The following ZNF516 variants were observed in gnomAD, a reference collection of about 807,000 sequenced individuals.
The protein encoded by ZNF516 is zinc finger protein 516.
A neutral mutation model predicts 79.7 loss-of-function variants in ZNF516; 19 were observed. That is an observed-to-expected ratio of 0.24 (90% CI 0.17 to 0.35). The LOEUF is 0.35. Ranked by LOEUF, ZNF516 falls within the 10% of genes least tolerant of loss-of-function variation. The pLI is 1.00. For synonymous variants in ZNF516, 877 were observed against 739.5 expected (o/e 1.19, Z -3.02); for missense variants, 1,678 against 1,679.5 (o/e 1.00, Z 0.02).
intron 3 of ZNF516, among the ~76,000 whole-genome samples, chr18:76,391,412 A>C (rs1216293926): frequency 1.3e-5 from 2 of 152,068 alleles, no homozygotes; most frequent in Non-Finnish European, 2.9e-5. Context: ...CTAACCGCTA[A>C]CCATAACCAC....
intron 3 of ZNF516, among the ~76,000 whole-genome samples, chr18:76,385,451 A>G (rs956985200): frequency 1.2e-4 from 18 of 152,322 alleles, no homozygotes; most frequent in African/African-American, 4.1e-4. Context: ...CTCCCCTTTC[A>G]CTTAAAATAT....
At position 76,362,291 on chromosome 18, in the gene ZNF516, C is replaced by T; in HGVS notation, c.*207G>A. Reference sequence around the variant, plus strand: ...ATGTATTTCTAGAATATAGCATCTTCATTTATTTCTGAACGTTTAACAAGG... The same window carrying T: ...ATGTATTTCTAGAATATAGCATCTTTATTTATTTCTGAACGTTTAACAAGG... On this transcript the variant is annotated 3_prime_UTR_variant, in exon 7 of 7. Coordinates refer to ENST00000443185, the MANE Select transcript of ZNF516 (RefSeq NM_014643.4). 1 of 538,488 alleles carries T rather than the reference C, an allele frequency of 1.9e-6. No individual in the cohort carries two copies. 33.4% of individuals were successfully genotyped at this position (538,488 alleles called of 1,614,324 possible).
intron 6 of ZNF516, among the ~76,000 whole-genome samples, chr18:76,366,396 T>C (rs1421480505): frequency 6.6e-6 from 1 of 152,172 alleles, no homozygotes; most frequent in East Asian, 1.9e-4. Flanking sequence ...ATGCAGCAAA[T>C]GAGGTAACTA....
intron 6 of ZNF516, among the ~76,000 whole-genome samples, chr18:76,367,934 A>G (rs1374999855): frequency 6.6e-6 from 1 of 152,234 alleles, no homozygotes; most frequent in African/African-American, 2.4e-5. Flanking sequence ...GTCACATCAA[A>G]TAATTTCTGC....
chr18:76,399,409 C>T (rs753062784), intron 3 of ZNF516, among the ~76,000 whole-genome samples: 9 of 152,270 alleles, frequency 5.9e-5, no homozygotes, highest in East Asian at 1.9e-4. Flanking sequence ...TTGGCATAGA[C>T]GGAATTAAGC....
intron 3 of ZNF516, among the ~76,000 whole-genome samples, chr18:76,396,424 T>A (rs941069380): frequency 1.3e-5 from 2 of 152,200 alleles, no homozygotes; most frequent in African/African-American, 4.8e-5. Flanking sequence ...GCCACTGCAT[T>A]CAAAATCATT....
At chr18:76,434,013 T>G (rs113211005) in intron 3 of ZNF516, among the ~76,000 whole-genome samples, 2,404 of 152,244 alleles carry the variant, frequency 0.016, 29 homozygotes, top group Middle Eastern at 0.041. Context: ...CGGCAACGCC[T>G]TACCCAACCC....
intron 3 of ZNF516, among the ~76,000 whole-genome samples, chr18:76,415,767 T>C (rs976370993): frequency 2.5e-4 from 38 of 152,198 alleles, no homozygotes; most frequent in African/African-American, 8.9e-4. Context: ...ATGCAGCATG[T>C]CCTCAACAGA....
intron 2 of ZNF516, among the ~76,000 whole-genome samples, chr18:76,448,677 T>A (rs1431445153): frequency 6.6e-6 from 1 of 152,116 alleles, no homozygotes; most frequent in Non-Finnish European, 1.5e-5. Flanking sequence ...CTTAGAGGTG[T>A]TCCAGTCCTA....
In ZNF516 at chr18:76,441,905, G is replaced by A. The variant is rs752265046; in HGVS notation, c.1150C>T (p.Leu384Phe). The A allele has an allele frequency of 7.5e-6, 12 of 1,601,910 alleles. No homozygotes were observed. In the Admixed American group the frequency reaches 1.0e-4, roughly 14 times the overall value. The change falls in exon 3 of 7, where the codon CTC becomes TTC. Residue 384 changes from leucine to phenylalanine, a missense_variant. Around this residue, in one of 5 missense-constraint regions of ZNF516, gnomAD observed 1,294 missense variants for 1,248.3 expected, o/e 1.04. Transcript: ENST00000443185. Reference sequence around the variant, plus strand: ...GACGGCCTCAGGTTCAGGCACTGGAGGAAGAACTGCTTGGTGTCCGAGGGC... The same window carrying A: ...GACGGCCTCAGGTTCAGGCACTGGAAGAAGAACTGCTTGGTGTCCGAGGGC... ...EGPSDTKQFFLQCLNLRPSAA... is the reference protein window; with the variant it reads ...EGPSDTKQFFFQCLNLRPSAA...
At chr18:76,434,862 C>T (rs920823739) in intron 3 of ZNF516, among the ~76,000 whole-genome samples, 21 of 152,254 alleles carry the variant, frequency 1.4e-4, no homozygotes, top group African/African-American at 2.7e-4. Flanking sequence ...CCCACTGCAA[C>T]GCAGGACACT....
At chr18:76,457,970 G>A (rs546350181) in intron 2 of ZNF516, among the ~76,000 whole-genome samples, 1 of 152,154 alleles carries the variant, frequency 6.6e-6, no homozygotes, top group African/African-American at 2.4e-5. Context: ...TCACCTTCAA[G>A]GCCCAATGTA....
At chr18:76,496,218 CGGT>C, upstream of ZNF516, 1 of 1,228,868 alleles carries the variant, frequency 8.1e-7, no homozygotes, top group Middle Eastern at 3.0e-4. Context: ...CCTTCACGGC[CGGT>C]GACGTAGACC....
At chr18:76,373,266 G>A (rs946592084) in intron 4 of ZNF516, among the ~76,000 whole-genome samples, 4 of 151,526 alleles carry the variant, frequency 2.6e-5, no homozygotes, top group Admixed American at 6.6e-5. Flanking sequence ...GGAGGGGAAA[G>A]GAGGGGAGAC....
chr18:76,414,551 T>C (rs1410815404), intron 3 of ZNF516, among the ~76,000 whole-genome samples: 1 of 152,244 alleles, frequency 6.6e-6, no homozygotes, highest in Non-Finnish European at 1.5e-5. Flanking sequence ...GCTATTTGAA[T>C]CTACATACTA....
intron 4 of ZNF516, chr18:76,378,046 A>G (rs1163900273): frequency 6.6e-6 from 1 of 152,258 alleles, no homozygotes; most frequent in Non-Finnish European, 1.5e-5. Context: ...AAGAACGGTT[A>G]GGACTTCCCA....
intron 6 of ZNF516, among the ~76,000 whole-genome samples, chr18:76,367,814 T>C (rs1446593897): frequency 1.3e-5 from 2 of 152,220 alleles, no homozygotes; most frequent in Non-Finnish European, 2.9e-5. Flanking sequence ...GGTCAATAAA[T>C]ATTGTTAGTA....
At chr18:76,408,810 T>C (rs1395801800) in intron 3 of ZNF516, among the ~76,000 whole-genome samples, 1 of 152,198 alleles carries the variant, frequency 6.6e-6, no homozygotes, top group African/African-American at 2.4e-5. Flanking sequence ...CGACAAACAT[T>C]TTCCTATGAA....
chr18:76,455,033 A>G (rs1170404769), intron 2 of ZNF516, among the ~76,000 whole-genome samples: 1 of 152,212 alleles, frequency 6.6e-6, no homozygotes, highest in Non-Finnish European at 1.5e-5. Flanking sequence ...TGGTCCCCAA[A>G]GAGGACAGTT....
Sources: gnomAD v4.1 joint callset for allele counts (sites outside exome capture counted in the v4.1 genomes callset) on GRCh38, gnomAD v4.1.1 for gene constraint, gnomAD v4.1.1 regional missense constraint, MANE v1.5 for transcripts, NCBI Gene and HGNC (gene_info 2026-07-23, HGNC 2026-07-21) for gene names.